SGCZ: variants seen among roughly 807,000 people sequenced by gnomAD.
The protein encoded by SGCZ is zeta-sarcoglycan.
Under a neutral mutation model 41.3 loss-of-function variants are expected in SGCZ, and 40 were observed. That is an observed-to-expected ratio of 0.97 (90% CI 0.75 to 1.26). The LOEUF (loss-of-function observed/expected upper bound fraction) is 1.26. SGCZ is among the 50% of genes most tolerant of loss of function. The pLI is 0.00. For synonymous variants in SGCZ, 206 were observed against 137.5 expected, an observed-to-expected ratio of 1.50 and a Z score of -3.49; for missense variants, 552 against 369.8, an observed-to-expected ratio of 1.49 and a Z score of -4.04.
intron 1 of SGCZ, among the ~76,000 whole-genome samples, chr8:15,004,009 G>C (rs1802515291): frequency 6.6e-6 from 1 of 152,088 alleles, no homozygotes; most frequent in African/African-American, 2.4e-5. Flanking sequence ...AAGCCCCTGA[G>C]AAAAGTGAGG....
intron 3 of SGCZ, among the ~76,000 whole-genome samples, chr8:14,259,941 G>T (rs34694334): frequency 0.25 from 37,969 of 152,024 alleles, 6,074 homozygotes; most frequent in Non-Finnish European, 0.36. Context: ...TCCTACCCAT[G>T]AGCATGGAAT....
At chr8:14,903,533 T>A (rs541328513) in intron 1 of SGCZ, among the ~76,000 whole-genome samples, 10 of 152,130 alleles carry the variant, frequency 6.6e-5, no homozygotes, top group African/African-American at 2.2e-4. Context: ...TATTGAAGAA[T>A]AAATAAGTAA....
chr8:14,939,909 T>C (rs1319229957), intron 1 of SGCZ, among the ~76,000 whole-genome samples: 1 of 152,158 alleles, frequency 6.6e-6, no homozygotes, highest in East Asian at 1.9e-4. Flanking sequence ...CACTTCCTTC[T>C]CTACCTAGTT....
intron 2 of SGCZ, among the ~76,000 whole-genome samples, chr8:14,476,531 G>A (rs1019666024): frequency 6.6e-6 from 1 of 151,880 alleles, no homozygotes; most frequent in Admixed American, 6.6e-5. Flanking sequence ...ATTTTAAAAA[G>A]CCCACAATGA....
At chr8:14,579,923 G>T (rs1038283872) in intron 1 of SGCZ, among the ~76,000 whole-genome samples, 2 of 152,124 alleles carry the variant, frequency 1.3e-5, no homozygotes, top group African/African-American at 4.8e-5. Flanking sequence ...CAGAGAGTGT[G>T]AAGGTTTAAG....
At chr8:14,100,959 G>T (rs1040111934) in intron 7 of SGCZ, among the ~76,000 whole-genome samples, 3 of 152,016 alleles carry the variant, frequency 2.0e-5, no homozygotes, top group Non-Finnish European at 1.5e-5. Flanking sequence ...CCTAGGGAAT[G>T]TATTGGTAGG....
chr8:14,577,708 G>T lies in SGCZ; in HGVS notation c.40-22782C>A, dbSNP rs556391770. Among the ~76,000 whole-genome samples the T allele has an allele frequency of 2.6e-5, 4 of 152,098 alleles. No individual in the cohort carries two copies. In the East Asian group the frequency reaches 7.8e-4, roughly 30 times the overall value. On this transcript the variant is annotated intron_variant, in intron 1 of 7. Coordinates refer to ENST00000382080, the MANE Select transcript of SGCZ (RefSeq NM_139167.4). ...TGGCCCCATTTTCAATAATAAAGTG[G>T]AGAGAAATTCAACAATTGTCCTTCC...
At chr8:14,479,749 T>TTC (rs1801477974) in intron 2 of SGCZ, among the ~76,000 whole-genome samples, 2 of 89,396 alleles carry the variant, frequency 2.2e-5, no homozygotes, top group South Asian at 3.2e-4. Context: ...TTTTTTTTTT[T>TTC]TTTTTTTTTT....
chr8:14,473,831 G>A (rs1252244489), intron 2 of SGCZ, among the ~76,000 whole-genome samples: 1 of 151,736 alleles, frequency 6.6e-6, no homozygotes, highest in East Asian at 1.9e-4. Flanking sequence ...CCAGCTACTC[G>A]GGAAGCTGAG....
chr8:15,170,897 G>A (rs1350830597), intron 1 of SGCZ, among the ~76,000 whole-genome samples: 2 of 152,194 alleles, frequency 1.3e-5, no homozygotes, highest in Non-Finnish European at 2.9e-5. Context: ...AGGCACAGTT[G>A]TGTAATCCAG....
chr8:14,222,899 C>T (rs1028006008), intron 4 of SGCZ, among the ~76,000 whole-genome samples: 2 of 133,952 alleles, frequency 1.5e-5, no homozygotes, highest in Non-Finnish European at 3.1e-5. Flanking sequence ...GTAACCTCTA[C>T]ATGCCGGGTT....
intron 1 of SGCZ, among the ~76,000 whole-genome samples, chr8:15,039,422 C>A (rs1803994243): frequency 6.6e-6 from 1 of 152,122 alleles, no homozygotes. Flanking sequence ...TCTAAAACAT[C>A]CAACTCAGAA....
At chr8:15,164,125 G>A (rs554722307) in intron 1 of SGCZ, among the ~76,000 whole-genome samples, 1 of 152,282 alleles carries the variant, frequency 6.6e-6, no homozygotes, top group South Asian at 2.1e-4. Flanking sequence ...TTGTCAGCAA[G>A]CCTGAATTTT....
chr8:14,732,762 A>G (rs970228210), intron 1 of SGCZ, among the ~76,000 whole-genome samples: 1 of 152,146 alleles, frequency 6.6e-6, no homozygotes, highest in Non-Finnish European at 1.5e-5. Flanking sequence ...TAAGTGATAG[A>G]GAAGTATTTT....
At chr8:14,541,478 C>A (rs1025432884) in intron 2 of SGCZ, among the ~76,000 whole-genome samples, 1 of 151,996 alleles carries the variant, frequency 6.6e-6, no homozygotes, top group East Asian at 1.9e-4. Context: ...TGAACTCATT[C>A]TTTTTTATGG....
At chr8:14,563,035 T>C (rs1394592551) in intron 1 of SGCZ, among the ~76,000 whole-genome samples, 1 of 152,176 alleles carries the variant, frequency 6.6e-6, no homozygotes, top group Non-Finnish European at 1.5e-5. Context: ...ACTATTATGC[T>C]GACATGGAGG....
At chr8:14,453,388 C>T (rs1243587742) in intron 2 of SGCZ, among the ~76,000 whole-genome samples, 1 of 152,124 alleles carries the variant, frequency 6.6e-6, no homozygotes, top group African/African-American at 2.4e-5. Flanking sequence ...TAATCAATTT[C>T]CCATAAACGA....
chr8:14,399,125 T>C (rs1020044118), intron 2 of SGCZ, among the ~76,000 whole-genome samples: 2 of 152,172 alleles, frequency 1.3e-5, no homozygotes, highest in Non-Finnish European at 2.9e-5. Flanking sequence ...GGCACTCCCA[T>C]TGTTTTTGCT....
chr8:15,168,532 C>T (rs963749791), intron 1 of SGCZ, among the ~76,000 whole-genome samples: 1 of 152,102 alleles, frequency 6.6e-6, no homozygotes, highest in Non-Finnish European at 1.5e-5. Context: ...CTGCCAAGGT[C>T]GCTGGAACTC....
Sources: gnomAD v4.1 joint callset for allele counts (sites outside exome capture counted in the v4.1 genomes callset) on GRCh38, gnomAD v4.1.1 for gene constraint, MANE v1.5 for transcripts, NCBI Gene and HGNC (gene_info 2026-07-23, HGNC 2026-07-21) for gene names.